Variants in CMSS1 observed in about 807,000 individuals in gnomAD.
The protein encoded by CMSS1 is protein CMSS1.
CMSS1 carries 33 observed loss-of-function variants against 43.5 expected under a neutral mutation model. That is an observed-to-expected ratio of 0.76 (90% CI 0.57 to 1.01). The LOEUF (loss-of-function observed/expected upper bound fraction) is 1.01. Ranked by LOEUF, CMSS1 falls within the 50% of genes least tolerant of loss-of-function variation. The pLI is 0.00. For synonymous variants in CMSS1, 115 were observed against 117.2 expected (o/e 0.98, Z 0.12); for missense variants, 313 against 326.4 (o/e 0.96, Z 0.32).
At chr3:100,074,331 C>T (rs1255494162) in intron 1 of CMSS1, among the ~76,000 whole-genome samples, 2 of 152,188 alleles carry the variant, frequency 1.3e-5, no homozygotes, top group African/African-American at 2.4e-5. Context: ...ACTCTGGGAA[C>T]AGACAAGATG....
At chr3:100,159,974 G>A (rs2067008993) in intron 2 of CMSS1, 3 of 454,310 alleles carry the variant, frequency 6.6e-6, no homozygotes, top group Admixed American at 2.4e-5. Context: ...GGAAAGGAAT[G>A]TATAATACAA....
At chr3:99,894,737 A>G (rs1261966940) in intron 1 of CMSS1, among the ~76,000 whole-genome samples, 2 of 152,216 alleles carry the variant, frequency 1.3e-5, no homozygotes, top group African/African-American at 4.8e-5. Flanking sequence ...CTCAACCCAT[A>G]ATAAAGCTGA....
At chr3:100,105,227 C>A (rs1358381467) in intron 1 of CMSS1, among the ~76,000 whole-genome samples, 1 of 152,102 alleles carries the variant, frequency 6.6e-6, no homozygotes, top group Non-Finnish European at 1.5e-5. Context: ...TATTCTCCTA[C>A]CAGAGCTTAA....
intron 1 of CMSS1, among the ~76,000 whole-genome samples, chr3:99,941,075 A>G (rs1018318341): frequency 3.3e-5 from 5 of 152,258 alleles, no homozygotes; most frequent in African/African-American, 4.8e-5. Context: ...TGAAGCATAT[A>G]AGTTTAGTCT....
rs530230385 is a variant in CMSS1 at position 100,034,342 on chromosome 3, T to A, written c.65-112631T>A. On this transcript the variant is annotated intron_variant, in intron 1 of 9. Coordinates refer to ENST00000421999, the MANE Select transcript of CMSS1 (RefSeq NM_032359.4). ...CTCATGGCAGCAGTAAGAAGTTATTTGGTCTGTATTTATTTACAATGTGCA... is the reference window on the plus strand; with the variant it reads ...CTCATGGCAGCAGTAAGAAGTTATTAGGTCTGTATTTATTTACAATGTGCA... Among the ~76,000 whole-genome samples the A allele has an allele frequency of 2.8e-4, 42 of 152,316 alleles. No individual in the cohort carries two copies. In the Middle Eastern group the frequency reaches 0.01, roughly 37 times the overall value.
chr3:99,840,255 GCT>G (rs1943075232), intron 1 of CMSS1, among the ~76,000 whole-genome samples: 1 of 99,340 alleles, frequency 1.0e-5, no homozygotes, highest in Non-Finnish European at 1.8e-5. Context: ...AGACAGCCTT[GCT>G]CTGTCGCCCA....
At chr3:100,134,415 T>G (rs1473871221) in intron 1 of CMSS1, among the ~76,000 whole-genome samples, 1 of 152,230 alleles carries the variant, frequency 6.6e-6, no homozygotes, top group Non-Finnish European at 1.5e-5. Context: ...GGCTTTCTTC[T>G]GTCGCTGTTC....
chr3:100,062,093 C>CTTTTTTTTTTTTTTTTTTTTTTTTTTT lies in CMSS1; in HGVS notation c.65-84870_65-84844dup. Among the ~76,000 whole-genome samples the CTTTTTTTTTTTTTTTTTTTTTTTTTTT allele has an allele frequency of 3.8e-5, 2 of 53,154 alleles. 1 individual carries two copies. The highest frequency in any genetic ancestry group is 6.8e-5 in the Non-Finnish European group (2 of 29,474). The allele number at this position is 53,154 out of a possible 152,430, so 34.9% of individuals were successfully genotyped here. On this transcript the variant is annotated intron_variant, in intron 1 of 9. Coordinates refer to ENST00000421999, the MANE Select transcript of CMSS1 (RefSeq NM_032359.4). Reference sequence around the variant, plus strand: ...CCACTTGTGGTTATCCTGTCTTCTTCTTTTTTTTTTTTTTTTTTTTTTTTT... The same window carrying CTTTTTTTTTTTTTTTTTTTTTTTTTTT: ...CCACTTGTGGTTATCCTGTCTTCTTCTTTTTTTTTTTTTTTTTTTTTTTTTTTTTTTTTTTTTTTTTTTTTTTTTTTT...
At chr3:100,109,358 CTTATA>C (rs1559760405) in intron 1 of CMSS1, among the ~76,000 whole-genome samples, 2 of 152,100 alleles carry the variant, frequency 1.3e-5, no homozygotes, top group Non-Finnish European at 2.9e-5. Context: ...AAAATTACCT[CTTATA>C]TAACGTACAA....
intron 1 of CMSS1, among the ~76,000 whole-genome samples, chr3:100,082,503 C>T (rs1248013972): frequency 6.6e-6 from 1 of 152,096 alleles, no homozygotes; most frequent in African/African-American, 2.4e-5. Context: ...TTATTCGTTT[C>T]CAGGAATCTC....
chr3:100,085,767 C>G (rs2065999587), intron 1 of CMSS1, among the ~76,000 whole-genome samples: 1 of 152,180 alleles, frequency 6.6e-6, no homozygotes, highest in African/African-American at 2.4e-5. Flanking sequence ...GATGATGACC[C>G]CCTCCTAAGT....
intron 1 of CMSS1, among the ~76,000 whole-genome samples, chr3:100,069,955 C>A (rs1323555184): frequency 6.6e-6 from 1 of 152,176 alleles, no homozygotes; most frequent in East Asian, 1.9e-4. Context: ...GTCTATGGTA[C>A]ATTAAGATAT....
At chr3:100,037,564 T>C (rs2065129419) in intron 1 of CMSS1, among the ~76,000 whole-genome samples, 1 of 152,192 alleles carries the variant, frequency 6.6e-6, no homozygotes, top group Non-Finnish European at 1.5e-5. Context: ...AATTTTTGTC[T>C]CCCAACAAAG....
At chr3:99,884,127 A>T (rs1326424470) in intron 1 of CMSS1, among the ~76,000 whole-genome samples, 1 of 152,198 alleles carries the variant, frequency 6.6e-6, no homozygotes, top group African/African-American at 2.4e-5. Flanking sequence ...ACTAAGACCC[A>T]GGCTGTGCAG....
At chr3:99,819,529 T>C (rs1172465646) in intron 1 of CMSS1, among the ~76,000 whole-genome samples, 2 of 152,198 alleles carry the variant, frequency 1.3e-5, no homozygotes, top group Admixed American at 1.3e-4. Context: ...AAGGTAAGTA[T>C]TCTCTTCATT....
chr3:100,021,954 TGTGTGTGAGAGAGAGAGA>T (rs374664924), intron 1 of CMSS1, among the ~76,000 whole-genome samples: 13,553 of 111,950 alleles, frequency 0.12, 742 homozygotes, highest in Admixed American at 0.18. Context: ...TGTGTGTGTG[TGTGTGTGAGAGAGAGAGA>T]GAGAGAGAGA....
chr3:100,165,188 G>A (rs1224960979), intron 4 of CMSS1, among the ~76,000 whole-genome samples: 5 of 152,076 alleles, frequency 3.3e-5, no homozygotes, highest in African/African-American at 1.2e-4. Flanking sequence ...CCAGGCTTGG[G>A]ACATTATAAA....
chr3:99,850,975 T>C (rs753080523), intron 1 of CMSS1: 11 of 1,614,188 alleles, frequency 6.8e-6, no homozygotes, highest in Non-Finnish European at 6.8e-6. Context: ...AGACTTCAGC[T>C]TGGTCAGCTC....
At chr3:100,117,974 A>G (rs1322372434) in intron 1 of CMSS1, among the ~76,000 whole-genome samples, 1 of 150,408 alleles carries the variant, frequency 6.6e-6, no homozygotes, top group Non-Finnish European at 1.5e-5. Context: ...TAAGTGAAAT[A>G]AATTAGGCAC....
Sources: allele counts gnomAD v4.1 joint callset (sites outside exome capture counted in the v4.1 genomes callset), GRCh38; gene constraint gnomAD v4.1.1; transcripts MANE v1.5; gene names NCBI Gene and HGNC (gene_info 2026-07-23, HGNC 2026-07-21).